UPP2: variants seen among roughly 807,000 people sequenced by gnomAD.
UPP2 encodes UPase 2.
Under a neutral mutation model 26.7 loss-of-function variants are expected in UPP2, and 23 were observed. The ratio of observed to expected loss-of-function variants is 0.86; its 90% CI spans 0.62 to 1.22. The LOEUF is 1.22. Ranked by LOEUF, UPP2 falls within the 50% of genes most tolerant of loss-of-function variation. The pLI is 0.00. For synonymous variants in UPP2, 127 were observed against 141.3 expected, an observed-to-expected ratio of 0.90 and a Z score of 0.72; for missense variants, 387 against 396.7, an observed-to-expected ratio of 0.98 and a Z score of 0.21.
Position 158,135,148 on chromosome 2 carries a change from A to C in UPP2, c.*258A>C, listed in dbSNP as rs887249318. 2.4e-5 allele frequency: 8 copies of C among 328,054 alleles called. No individual in the cohort carries two copies. The highest frequency in any genetic ancestry group is 4.3e-5 in the Non-Finnish European group (8 of 185,448). 20.3% of individuals were successfully genotyped at this position (328,054 alleles called of 1,614,324 possible). ...AATTTTAAAACTCCTGGATTATGAC[A>C]TTTGGAGTTTCATATGCAGCATTAA... On this transcript the variant is annotated 3_prime_UTR_variant, in exon 7 of 7. Transcript: ENST00000005756.
intron 3 of UPP2, among the ~76,000 whole-genome samples, chr2:158,044,301 G>A (rs889295754): frequency 6.6e-6 from 1 of 152,184 alleles, no homozygotes; most frequent in African/African-American, 2.4e-5. Flanking sequence ...GTTGACCATA[G>A]TGGGAAATTG....
rs1683457344 is a variant in UPP2, at chr2:158,004,394, A to G, written c.61+9135A>G. Among the ~76,000 whole-genome samples, 3 of 131,796 alleles carry G rather than the reference A, an allele frequency of 2.3e-5. No homozygotes were observed. In the South Asian group the frequency reaches 7.1e-4, roughly 31 times the overall value. The allele number at this position is 131,796 out of a possible 152,430, so 86.5% of individuals were successfully genotyped here. On this transcript the variant is annotated intron_variant, in intron 2 of 9. Transcript: ENST00000605860. ...AGCAGTACGTAGTGGAGAGAATAAG[A>G]AAAAAAAAAATCCAACACCTAATCT...
intron 3 of UPP2, among the ~76,000 whole-genome samples, chr2:158,085,033 A>G (rs561511794): frequency 2.0e-5 from 3 of 151,992 alleles, no homozygotes; most frequent in Non-Finnish European, 2.9e-5. Flanking sequence ...GTGAAGAATG[A>G]TGGTGGTATT....
chr2:158,050,585 C>T (rs1476198130), intron 3 of UPP2, among the ~76,000 whole-genome samples: 1 of 151,914 alleles, frequency 6.6e-6, no homozygotes, highest in Non-Finnish European at 1.5e-5. Flanking sequence ...ATCCCTTGAG[C>T]CTGGAAGTTC....
chr2:158,002,138 G>T (rs1304500013), intron 2 of UPP2, among the ~76,000 whole-genome samples: 2 of 152,048 alleles, frequency 1.3e-5, no homozygotes, highest in South Asian at 2.1e-4. Flanking sequence ...CAAGGATGCA[G>T]GGCAGGGGAA....
chr2:158,104,943 A>G (rs1436317172), intron 1 of UPP2, among the ~76,000 whole-genome samples: 8 of 51,734 alleles, frequency 1.5e-4, no homozygotes, highest in African/African-American at 9.1e-4. Context: ...AAGGGAAGGG[A>G]AGGGAAGGGA....
At chr2:158,085,362 CTT>C (rs531931315) in intron 3 of UPP2, among the ~76,000 whole-genome samples, 152 of 152,242 alleles carry the variant, frequency 1.0e-3, no homozygotes, top group Middle Eastern at 3.4e-3. Context: ...TATCCTGAAA[CTT>C]TGCTGAATTC....
chr2:158,048,517 T>C (rs900824332), intron 3 of UPP2, among the ~76,000 whole-genome samples: 1 of 152,156 alleles, frequency 6.6e-6, no homozygotes, highest in Non-Finnish European at 1.5e-5. Flanking sequence ...GGTGGGAGGA[T>C]TGTTCGAGCC....
chr2:158,090,085 T>C (rs932873407), intron 3 of UPP2, among the ~76,000 whole-genome samples: 1 of 152,196 alleles, frequency 6.6e-6, no homozygotes, highest in African/African-American at 2.4e-5. Context: ...TCATTTATTA[T>C]ATATTTAAAA....
intron 3 of UPP2, among the ~76,000 whole-genome samples, chr2:158,053,720 G>T (rs1412750483): frequency 6.6e-6 from 1 of 152,096 alleles, no homozygotes; most frequent in East Asian, 1.9e-4. Flanking sequence ...GGTTTTCCAG[G>T]GAATTTGAAG....
chr2:158,044,777 C>T (rs185445084), intron 3 of UPP2, among the ~76,000 whole-genome samples: 21 of 152,262 alleles, frequency 1.4e-4, no homozygotes, highest in Admixed American at 1.2e-3. Flanking sequence ...TCCAGAGAGA[C>T]GGTAACCAGA....
intron 6 of UPP2, among the ~76,000 whole-genome samples, chr2:158,126,104 T>C (rs1214638659): frequency 6.6e-6 from 1 of 152,054 alleles, no homozygotes; most frequent in Non-Finnish European, 1.5e-5. Flanking sequence ...GGACTCTGAG[T>C]CTTTCTTTCT....
intron 2 of UPP2, among the ~76,000 whole-genome samples, chr2:158,001,353 A>G (rs1219148260): frequency 6.6e-6 from 1 of 152,194 alleles, no homozygotes; most frequent in Non-Finnish European, 1.5e-5. Context: ...AAAGGACAGA[A>G]TGATGTTGGT....
At chr2:158,043,923 C>T (rs1684115339) in intron 3 of UPP2, among the ~76,000 whole-genome samples, 1 of 152,316 alleles carries the variant, frequency 6.6e-6, no homozygotes, top group South Asian at 2.1e-4. Flanking sequence ...CAGGAGGCTC[C>T]ATTTCCTCAT....
intron 3 of UPP2, among the ~76,000 whole-genome samples, chr2:158,076,955 T>C (rs1179822714): frequency 6.6e-6 from 1 of 151,908 alleles, no homozygotes; most frequent in Non-Finnish European, 1.5e-5. Flanking sequence ...TAGAACTGAT[T>C]AACAAATTCA....
In UPP2 at chr2:158,074,597, A is replaced by G. The variant is rs534422073; in HGVS notation, c.148-27443A>G. On this transcript the variant is annotated intron_variant, in intron 3 of 9. Transcript: ENST00000605860. ...AAAACATAGTATAGATATACAAAAAATAAAAAGCAAGTAATTAAATCATAC... is the reference window on the plus strand; with the variant it reads ...AAAACATAGTATAGATATACAAAAAGTAAAAAGCAAGTAATTAAATCATAC... Among the ~76,000 whole-genome samples, 4 of 152,148 alleles carry G rather than the reference A, an allele frequency of 2.6e-5. No homozygotes were observed. In the South Asian group the frequency reaches 8.3e-4, roughly 32 times the overall value.
intron 3 of UPP2, among the ~76,000 whole-genome samples, chr2:158,044,847 C>T (rs1020521686): frequency 2.0e-5 from 3 of 152,156 alleles, no homozygotes; most frequent in African/African-American, 7.2e-5. Flanking sequence ...TTAGTCCCTA[C>T]CAATCACAGC....
chr2:158,102,749 G>C (rs1165794256), intron 1 of UPP2, among the ~76,000 whole-genome samples: 3 of 152,152 alleles, frequency 2.0e-5, no homozygotes, highest in Non-Finnish European at 4.4e-5. Context: ...GATTTCCTGA[G>C]AGTTGTGTGA....
chr2:158,031,726 A>G (rs1683924141), intron 3 of UPP2, among the ~76,000 whole-genome samples: 1 of 152,256 alleles, frequency 6.6e-6, no homozygotes, highest in Non-Finnish European at 1.5e-5. Context: ...CTACCATCAG[A>G]AGGCTATGAA....
Sources: allele counts gnomAD v4.1 joint callset (sites outside exome capture counted in the v4.1 genomes callset), GRCh38; gene constraint gnomAD v4.1.1; transcripts MANE v1.5; gene names NCBI Gene and HGNC (gene_info 2026-07-23, HGNC 2026-07-21).